Variants in FSTL5 observed in about 807,000 individuals in gnomAD.
The protein encoded by FSTL5 is follistatin-related protein 5.
Under a neutral mutation model 89.1 loss-of-function variants are expected in FSTL5, and 62 were observed. That is an observed-to-expected ratio of 0.70 (90% CI 0.57 to 0.86). The LOEUF (loss-of-function observed/expected upper bound fraction) is 0.86. Ranked by LOEUF, FSTL5 falls within the 40% of genes least tolerant of loss-of-function variation. The probability of loss-of-function intolerance (pLI) is 0.00; values close to 1 mark genes in which losing one functional copy is unlikely to be tolerated. For synonymous variants in FSTL5, 383 were observed against 346.2 expected (o/e 1.11, Z -1.18); for missense variants, 1,057 against 1,001.6 (o/e 1.06, Z -0.75).
At chr4:161,619,662 T>C (rs1175841934) in intron 7 of FSTL5, among the ~76,000 whole-genome samples, 4 of 152,088 alleles carry the variant, frequency 2.6e-5, no homozygotes, top group Non-Finnish European at 5.9e-5. Context: ...CCAGTTAGAA[T>C]GGCAATCATT....
intron 3 of FSTL5, among the ~76,000 whole-genome samples, chr4:161,994,746 A>T (rs566615672): frequency 6.6e-6 from 1 of 152,192 alleles, no homozygotes; most frequent in African/African-American, 2.4e-5. Flanking sequence ...TTTCTTCCAA[A>T]TGTGTTTAAG....
chr4:161,961,575 T>C (rs1735177848), intron 3 of FSTL5, among the ~76,000 whole-genome samples: 1 of 151,104 alleles, frequency 6.6e-6, no homozygotes, highest in African/African-American at 2.4e-5. Flanking sequence ...ATATAAATAA[T>C]TGAGCTCTGA....
At chr4:161,771,799 G>A (rs192030263) in intron 5 of FSTL5, among the ~76,000 whole-genome samples, 14 of 152,240 alleles carry the variant, frequency 9.2e-5, no homozygotes, top group African/African-American at 2.9e-4. Flanking sequence ...CGTGGCTCAC[G>A]CCTGTGATCC....
intron 2 of FSTL5, among the ~76,000 whole-genome samples, chr4:162,078,892 A>G (rs1379982741): frequency 6.6e-6 from 1 of 151,742 alleles, no homozygotes; most frequent in Non-Finnish European, 1.5e-5. Flanking sequence ...GAGAAACTTA[A>G]TATAAGCAAA....
intron 6 of FSTL5, among the ~76,000 whole-genome samples, chr4:161,725,179 CA>C (rs1739355047): frequency 6.6e-6 from 1 of 151,634 alleles, no homozygotes; most frequent in African/African-American, 2.4e-5. Context: ...CTGTCCGTCT[CA>C]AAAAATAAAC....
intron 7 of FSTL5, among the ~76,000 whole-genome samples, chr4:161,592,635 G>T (rs1733862859): frequency 1.3e-5 from 2 of 152,148 alleles, no homozygotes; most frequent in African/African-American, 4.8e-5. Flanking sequence ...AGTATTCCAT[G>T]GTGTATATGT....
chr4:161,910,554 G>A (rs1440607), intron 4 of FSTL5, among the ~76,000 whole-genome samples: 139,073 of 152,114 alleles, frequency 0.91, 64,591 homozygotes, highest in Non-Finnish European at 0.99. Context: ...TAGCTCCCCA[G>A]TCTTCTGTTT....
At chr4:161,553,680 G>A (rs116318107) in intron 8 of FSTL5, among the ~76,000 whole-genome samples, 6,061 of 151,310 alleles carry the variant, frequency 0.04, 170 homozygotes, top group South Asian at 0.082. Context: ...AGTGTCTACT[G>A]GAATTTGACT....
intron 6 of FSTL5, among the ~76,000 whole-genome samples, chr4:161,729,167 C>G (rs1014507698): frequency 6.6e-6 from 1 of 152,220 alleles, no homozygotes; most frequent in African/African-American, 2.4e-5. Flanking sequence ...ACACTGAACC[C>G]TTACCGCCTC....
At position 161,455,134 on chromosome 4, in the gene FSTL5, G is replaced by A. The variant is rs1278010513; in HGVS notation, c.1717-6C>T. On this transcript the variant is annotated splice_polypyrimidine_tract_variant and splice_region_variant and intron_variant, in intron 14 of 15. Transcript: ENST00000306100. ...CCACTGGCCAGGGTAATTACCTAAA[G>A]AGAACACACCTTGGTTAGACCTCAA... The A allele has an allele frequency of 5.6e-6, 9 of 1,598,626 alleles. No individual in the cohort carries two copies. The highest frequency in any genetic ancestry group is 6.0e-6 in the Non-Finnish European group (7 of 1,174,040).
chr4:161,833,873 C>A (rs1225315700), intron 4 of FSTL5, among the ~76,000 whole-genome samples: 6 of 151,920 alleles, frequency 3.9e-5, no homozygotes, highest in Admixed American at 2.6e-4. Context: ...AGCATTTAGT[C>A]CATTTACATT....
At chr4:161,814,118 T>C (rs556422884) in intron 4 of FSTL5, among the ~76,000 whole-genome samples, 2 of 151,446 alleles carry the variant, frequency 1.3e-5, no homozygotes, top group South Asian at 2.1e-4. Context: ...AAGAGAAAGA[T>C]GGAAGGCATA....
chr4:161,890,129 T>C (rs1455587343), intron 4 of FSTL5, among the ~76,000 whole-genome samples: 1 of 152,168 alleles, frequency 6.6e-6, no homozygotes, highest in African/African-American at 2.4e-5. Flanking sequence ...TGAATGTAAA[T>C]GAGTCAGTCT....
chr4:161,449,734 C>CTT, intron 15 of FSTL5, among the ~76,000 whole-genome samples: 1 of 149,502 alleles, frequency 6.7e-6, no homozygotes, highest in South Asian at 2.1e-4. Context: ...CATAATACAT[C>CTT]TTTTTTTTTT....
At chr4:161,937,878 G>A (rs1734475567) in intron 3 of FSTL5, among the ~76,000 whole-genome samples, 1 of 152,056 alleles carries the variant, frequency 6.6e-6, no homozygotes, top group African/African-American at 2.4e-5. Flanking sequence ...CAGTTGCCCT[G>A]CTTATTGAAA....
At chr4:162,153,825 G>A (rs1353065262) in intron 1 of FSTL5, among the ~76,000 whole-genome samples, 2 of 145,710 alleles carry the variant, frequency 1.4e-5, no homozygotes, top group Non-Finnish European at 3.0e-5. Flanking sequence ...ATTTATTTTA[G>A]ACGGACTTTC....
At chr4:161,472,872 G>A (rs781571690) in intron 13 of FSTL5, among the ~76,000 whole-genome samples, 1 of 151,906 alleles carries the variant, frequency 6.6e-6, no homozygotes, top group Admixed American at 6.6e-5. Flanking sequence ...TTACAGGAGT[G>A]TACCACCATG....
intron 14 of FSTL5, 121 bp downstream of exon 14, chr4:161,459,091 T>TATG: frequency 1.5e-6 from 1 of 675,800 alleles, no homozygotes; most frequent in Non-Finnish European, 2.5e-6. Flanking sequence ...CCTATCTAGT[T>TATG]ATGATTAAAG....
chr4:161,745,412 C>A (rs1029732512), intron 6 of FSTL5, among the ~76,000 whole-genome samples: 6 of 151,980 alleles, frequency 3.9e-5, no homozygotes, highest in African/African-American at 1.4e-4. Flanking sequence ...AGTGCTAATA[C>A]AAAATCTTTT....
Sources: gnomAD v4.1 joint callset for allele counts (sites outside exome capture counted in the v4.1 genomes callset) on GRCh38, gnomAD v4.1.1 for gene constraint, MANE v1.5 for transcripts, NCBI Gene and HGNC (gene_info 2026-07-23, HGNC 2026-07-21) for gene names.